Variants in FHDC1 observed in about 807,000 individuals in gnomAD.
The protein encoded by FHDC1 is FH2 domain-containing protein 1.
A neutral mutation model predicts 52.6 loss-of-function variants in FHDC1; 25 were observed. That is an observed-to-expected ratio of 0.48 (90% CI 0.35 to 0.66). FHDC1 has a LOEUF of 0.66. Among genes scored for constraint, FHDC1 ranks in the 30% least tolerant of loss-of-function variants. FHDC1 has a pLI of 0.01. For synonymous variants in FHDC1, 616 were observed against 581.5 expected (o/e 1.06, Z -0.85); for missense variants, 1,459 against 1,452.8 (o/e 1.00, Z -0.07).
At position 152,956,788 on chromosome 4, in the gene FHDC1, T is replaced by G. The variant is rs1740098050; in HGVS notation, c.663+2469T>G. On this transcript the variant is annotated intron_variant, in intron 4 of 11. Transcript: ENST00000511601. ...TCCTCAGTCTGAATATCTGGCGTGC[T>G]TGGTCACACTTCGCCTCCTTGTTTA... Among the ~76,000 whole-genome samples the G allele has an allele frequency of 2.0e-5, 3 of 152,338 alleles. No individual in the cohort carries two copies. The South Asian group carries it at 6.2e-4, about 32-fold the overall frequency.
the FHDC1 span, among the ~76,000 whole-genome samples, chr4:152,913,781 C>T: frequency 6.6e-6 from 1 of 152,136 alleles, no homozygotes; most frequent in African/African-American, 2.4e-5. Flanking sequence ...TGGGTTCAAG[C>T]GATGCTTCTG....
Position 152,975,353 on chromosome 4 carries a change from C to A in FHDC1, c.2062C>A (p.Gln688Lys). 1 of 1,613,716 alleles carries A rather than the reference C, an allele frequency of 6.2e-7. No homozygotes were observed. The highest frequency in any genetic ancestry group is 8.5e-7 in the Non-Finnish European group (1 of 1,180,030). Residue 688 changes from glutamine to lysine, a missense_variant, in exon 12 of 12, where the codon CAG (glutamine) becomes AAG (lysine). Coordinates refer to ENST00000511601, the MANE Select transcript of FHDC1 (RefSeq NM_001371116.1). ...GGCCCAGTTCAACCTCCAGGGTTCC[C>A]AGGGCATGGAGGAGACCTCCCAGCT... ...GLAQFNLQGSQGMEETSQLTL... is the reference protein window; with the variant it reads ...GLAQFNLQGSKGMEETSQLTL...
chr4:152,926,149 A>G, the FHDC1 span, among the ~76,000 whole-genome samples: 1 of 151,992 alleles, frequency 6.6e-6, no homozygotes, highest in African/African-American at 2.4e-5. Flanking sequence ...GACAGCAGAA[A>G]CAAATGAAAA....
At chr4:152,923,734 C>G in the FHDC1 span, among the ~76,000 whole-genome samples, 1 of 151,962 alleles carries the variant, frequency 6.6e-6, no homozygotes, top group African/African-American at 2.4e-5. Flanking sequence ...TTTGACAAAC[C>G]TGAGAAAAAC....
intron 2 of FHDC1, 77 bp from the exon 3 acceptor site, chr4:152,953,422 C>T (rs931395552): frequency 6.5e-5 from 75 of 1,148,196 alleles, no homozygotes; most frequent in Non-Finnish European, 8.7e-5. Flanking sequence ...GCATTTTGAT[C>T]GGTTTTAATT....
chr4:152,975,698 G>A lies in FHDC1; in HGVS notation c.2407G>A (p.Glu803Lys). 1 of 1,611,746 alleles carries A rather than the reference G, an allele frequency of 6.2e-7. No homozygotes were observed. Among genetic ancestry groups the A allele is most frequent in the East Asian group, 2.2e-5 (1 of 44,818 alleles). Residue 803 changes from glutamate (E) to lysine (K), a missense_variant, in exon 12 of 12, where the codon GAA becomes AAA. Physicochemically the swap from Glu to Lys is moderately conservative, Grantham distance 56. Coordinates refer to ENST00000511601, the MANE Select transcript of FHDC1 (RefSeq NM_001371116.1). ...AGGCGGGGACCCGGAGGAAGGCGGG[G>A]AAGGGGATGGCTCCATGTCCTCTGG... ...PRGGDPEEGG[E>K]GDGSMSSGVG... is the part of the protein sequence containing the mutation.
intron 11 of FHDC1, among the ~76,000 whole-genome samples, chr4:152,973,661 G>C (rs1323671643): frequency 6.6e-6 from 1 of 152,266 alleles, no homozygotes; most frequent in East Asian, 1.9e-4. Flanking sequence ...GCTGAGGCCA[G>C]AGCTGCAGGC....
chr4:152,926,512 C>T, the FHDC1 span, among the ~76,000 whole-genome samples: 1 of 148,178 alleles, frequency 6.7e-6, no homozygotes, highest in East Asian at 2.0e-4. Flanking sequence ...AAAAAAAGGG[C>T]AGAACCTTAG....
Position 152,979,320 on chromosome 4 carries a change from C to G in FHDC1, c.*2597C>G, listed in dbSNP as rs760060894. 6.6e-6 allele frequency: 1 copy of G among 152,282 alleles called. No individual in the cohort carries two copies. Among genetic ancestry groups the G allele is most frequent in the African/African-American group, 2.4e-5 (1 of 41,462 alleles). The allele number at this position is 152,282 out of a possible 1,614,324, so 9.4% of individuals were successfully genotyped here. A position where few individuals can be genotyped will look rare whatever the true frequency, so the allele number is the denominator to read the frequency against. On this transcript the variant is annotated 3_prime_UTR_variant, in exon 12 of 12. Transcript: ENST00000511601. ...AGGACCCATCTCTGCCCTGGGTCAG[C>G]TCCTCAGAACCAACCCCCAGCATCT...
chr4:152,928,767 TCTG>T, the FHDC1 span, among the ~76,000 whole-genome samples: 1 of 151,984 alleles, frequency 6.6e-6, no homozygotes, highest in Non-Finnish European at 1.5e-5. Flanking sequence ...ATAAACGTCA[TCTG>T]CTGGGGGTGT....
rs770593225 is a variant in FHDC1 at position 152,968,105 on chromosome 4, G to A, written c.1218+8G>A. The A allele has an allele frequency of 3.9e-5, 63 of 1,605,816 alleles. No homozygotes were observed. In the South Asian group the frequency reaches 7.0e-4, roughly 18 times the overall value. On this transcript the variant is annotated splice_region_variant and intron_variant, in intron 10 of 11. Coordinates refer to ENST00000511601, the MANE Select transcript of FHDC1 (RefSeq NM_001371116.1). ...ATGGAAGATTTTCTTCAGGTTTGTA[G>A]GTGACTCAAGTCAGTCCCTCTAATC...
At chr4:152,913,689 A>T in the FHDC1 span, among the ~76,000 whole-genome samples, 16,425 of 151,478 alleles carry the variant, frequency 0.11, 1,699 homozygotes, top group African/African-American at 0.27. Context: ...TTATTTATTT[A>T]TTTTTTTTGA....
chr4:152,925,171 TA>T, the FHDC1 span, among the ~76,000 whole-genome samples: 3 of 152,188 alleles, frequency 2.0e-5, no homozygotes, highest in South Asian at 6.2e-4. Flanking sequence ...GCATTTGACT[TA>T]AAGTCTCTAT....
At chr4:152,963,215 C>A in intron 8 of FHDC1, 85 bp downstream of exon 8, 2 of 1,206,278 alleles carry the variant, frequency 1.7e-6, no homozygotes, top group Non-Finnish European at 2.4e-6. Flanking sequence ...AAGATGGTGT[C>A]CAGCAGGGTT....
Position 152,977,017 on chromosome 4 carries a change from G to A in FHDC1, c.*294G>A. The A allele has an allele frequency of 3.6e-6, 1 of 276,582 alleles. No individual in the cohort carries two copies. The highest frequency in any genetic ancestry group is 5.0e-5 in the Admixed American group (1 of 20,052). 17.1% of individuals were successfully genotyped at this position (276,582 alleles called of 1,614,324 possible). On this transcript the variant is annotated 3_prime_UTR_variant, in exon 12 of 12. Coordinates refer to ENST00000511601, the MANE Select transcript of FHDC1 (RefSeq NM_001371116.1). ...CCCGGATCCCGAGAAAGATTTAGTAGGAGTGTAAAGTGACATTCTTATGAA... is the reference window on the plus strand; with the variant it reads ...CCCGGATCCCGAGAAAGATTTAGTAAGAGTGTAAAGTGACATTCTTATGAA...
intron 11 of FHDC1, 109 bp from the exon 12 acceptor site, chr4:152,974,566 G>A: frequency 2.1e-6 from 3 of 1,457,652 alleles, no homozygotes; most frequent in Non-Finnish European, 2.7e-6. Context: ...ATGACCCTGA[G>A]CTCCCCTCCA....
At chr4:152,926,001 A>G in the FHDC1 span, among the ~76,000 whole-genome samples, 1 of 152,154 alleles carries the variant, frequency 6.6e-6, no homozygotes, top group Non-Finnish European at 1.5e-5. Context: ...TTGGGATTCC[A>G]TAAGGAAAAA....
upstream of FHDC1, among the ~76,000 whole-genome samples, chr4:152,932,646 C>A (rs1739272428): frequency 1.3e-5 from 2 of 152,130 alleles, no homozygotes; most frequent in Non-Finnish European, 2.9e-5. Flanking sequence ...AATCTTAATA[C>A]TGAACAACTG....
intron 10 of FHDC1, 28 bp from the exon 11 acceptor site, chr4:152,972,349 C>T: frequency 6.3e-7 from 1 of 1,580,836 alleles, no homozygotes; most frequent in South Asian, 1.2e-5. Context: ...ACGTTTACCT[C>T]AGTGTGTGTT....
Sources: gnomAD v4.1 joint callset for allele counts (sites outside exome capture counted in the v4.1 genomes callset) on GRCh38, gnomAD v4.1.1 for gene constraint, MANE v1.5 for transcripts, NCBI Gene and HGNC (gene_info 2026-07-23, HGNC 2026-07-21) for gene names.